GALNT13: variants seen among roughly 807,000 people sequenced by gnomAD.
The protein encoded by GALNT13 is UDP-GalNAc:polypeptide N-acetylgalactosaminyltransferase 13.
Under a neutral mutation model 64.2 loss-of-function variants are expected in GALNT13, and 28 were observed. That is an observed-to-expected ratio of 0.44 (90% CI 0.32 to 0.60). The LOEUF (loss-of-function observed/expected upper bound fraction) is 0.60, where lower values mean the gene tolerates loss of function less well. Among genes scored for constraint, GALNT13 ranks in the 20% least tolerant of loss-of-function variants. GALNT13 has a pLI of 0.05. For missense variants in GALNT13, 577 were observed against 669.8 expected, an observed-to-expected ratio of 0.86 and a Z score of 1.53; for synonymous variants, 214 against 224.6, an observed-to-expected ratio of 0.95 and a Z score of 0.42.
intron 3 of GALNT13, among the ~76,000 whole-genome samples, chr2:154,059,675 G>C (rs998069791): frequency 2.6e-5 from 4 of 152,106 alleles, no homozygotes; most frequent in Non-Finnish European, 4.4e-5. Context: ...TCACAAAGCA[G>C]TTCTACTAAT....
the GALNT13 span, among the ~76,000 whole-genome samples, chr2:153,519,341 A>G: frequency 6.6e-6 from 1 of 152,184 alleles, no homozygotes. Flanking sequence ...AAATGAAAAC[A>G]ACTGGGCACA....
the GALNT13 span, among the ~76,000 whole-genome samples, chr2:153,754,194 A>T: frequency 6.6e-6 from 1 of 152,204 alleles, no homozygotes; most frequent in Non-Finnish European, 1.5e-5. Flanking sequence ...GTGTCTACCC[A>T]CTTGTGGCCA....
the GALNT13 span, among the ~76,000 whole-genome samples, chr2:153,689,529 CT>C: frequency 1.3e-5 from 2 of 151,960 alleles, no homozygotes; most frequent in South Asian, 2.1e-4. Context: ...CGAAGATATA[CT>C]TTTTTATCTT....
chr2:153,409,849 AACAC>A, the GALNT13 span, among the ~76,000 whole-genome samples: 1 of 152,102 alleles, frequency 6.6e-6, no homozygotes, highest in Admixed American at 6.5e-5. Context: ...TCTTGAACTG[AACAC>A]ACACACACAT....
At chr2:154,431,442 A>G (rs947375226) in intron 11 of GALNT13, among the ~76,000 whole-genome samples, 8 of 151,872 alleles carry the variant, frequency 5.3e-5, no homozygotes, top group Non-Finnish European at 1.0e-4. Flanking sequence ...TACAACTGGG[A>G]AAAAAAATGT....
At chr2:153,339,766 A>C in the GALNT13 span, among the ~76,000 whole-genome samples, 1 of 152,130 alleles carries the variant, frequency 6.6e-6, no homozygotes, top group African/African-American at 2.4e-5. Context: ...ATCCATTTTT[A>C]GTTATTTTTT....
intron 2 of GALNT13, among the ~76,000 whole-genome samples, chr2:153,940,035 C>T (rs532021010): frequency 5.1e-4 from 76 of 150,404 alleles, no homozygotes; most frequent in Non-Finnish European, 6.9e-4. Flanking sequence ...TCAATATTCT[C>T]CCTTTCCTTA....
At chr2:154,190,657 C>G (rs1271829604) in intron 4 of GALNT13, among the ~76,000 whole-genome samples, 1 of 152,140 alleles carries the variant, frequency 6.6e-6, no homozygotes, top group Admixed American at 6.5e-5. Context: ...TTAACCTAAT[C>G]AAACACCATA....
chr2:154,276,221 T>C (rs553099927), intron 8 of GALNT13, among the ~76,000 whole-genome samples: 5 of 152,142 alleles, frequency 3.3e-5, no homozygotes, highest in South Asian at 2.1e-4. Context: ...CTTTTCTCTT[T>C]TGTTTTCTCT....
the GALNT13 span, among the ~76,000 whole-genome samples, chr2:153,123,515 T>A: frequency 6.6e-6 from 1 of 152,196 alleles, no homozygotes; most frequent in South Asian, 2.1e-4. Context: ...CATGGAAAGT[T>A]TGAATCAATA....
At chr2:154,155,695 G>T (rs1391676419) in intron 4 of GALNT13, among the ~76,000 whole-genome samples, 1 of 151,916 alleles carries the variant, frequency 6.6e-6, no homozygotes, top group Non-Finnish European at 1.5e-5. Context: ...TCATCAGCTT[G>T]CAAAGTCTCC....
the GALNT13 span, among the ~76,000 whole-genome samples, chr2:153,479,086 G>A: frequency 6.6e-6 from 1 of 152,228 alleles, no homozygotes; most frequent in Admixed American, 6.5e-5. Flanking sequence ...TGTCGGGGGA[G>A]GGTGCGGTCA....
chr2:153,210,881 C>T, the GALNT13 span, among the ~76,000 whole-genome samples: 13 of 152,152 alleles, frequency 8.5e-5, no homozygotes, highest in East Asian at 1.7e-3. Flanking sequence ...GCCTTTGATC[C>T]TCAGTAGATG....
At chr2:154,376,591 A>G (rs1045436985) in intron 9 of GALNT13, among the ~76,000 whole-genome samples, 5 of 152,154 alleles carry the variant, frequency 3.3e-5, no homozygotes, top group African/African-American at 1.2e-4. Context: ...TTTATATAGA[A>G]GTCAAAATTA....
the GALNT13 span, among the ~76,000 whole-genome samples, chr2:153,184,451 A>G: frequency 6.6e-6 from 1 of 152,154 alleles, no homozygotes; most frequent in African/African-American, 2.4e-5. Flanking sequence ...TCCTATTTGA[A>G]TACGCTTCAT....
the GALNT13 span, among the ~76,000 whole-genome samples, chr2:153,294,644 A>T: frequency 3.3e-5 from 5 of 152,156 alleles, no homozygotes; most frequent in East Asian, 9.6e-4. Flanking sequence ...GCTGGAAGAG[A>T]ATGCGTTTGC....
At chr2:154,304,527 A>G (rs572921631) in intron 9 of GALNT13, among the ~76,000 whole-genome samples, 2 of 152,344 alleles carry the variant, frequency 1.3e-5, no homozygotes, top group African/African-American at 4.8e-5. Context: ...CATGTATTAT[A>G]TTCATCCATG....
chr2:153,193,367 A>C, the GALNT13 span, among the ~76,000 whole-genome samples: 1 of 148,340 alleles, frequency 6.7e-6, no homozygotes, highest in Admixed American at 6.9e-5. Context: ...AACACCGCAT[A>C]TTCTCACTCA....
intron 7 of GALNT13, among the ~76,000 whole-genome samples, chr2:154,255,833 T>C (rs575912664): frequency 6.6e-6 from 1 of 152,008 alleles, no homozygotes; most frequent in South Asian, 2.1e-4. Flanking sequence ...GGGCAGGTCA[T>C]TTGAGCCCAG....
Sources: gnomAD v4.1 joint callset for allele counts (sites outside exome capture counted in the v4.1 genomes callset) on GRCh38, gnomAD v4.1.1 for gene constraint, MANE v1.5 for transcripts, NCBI Gene and HGNC (gene_info 2026-07-23, HGNC 2026-07-21) for gene names.